The following C3orf20 variants were observed in gnomAD, a reference collection of about 807,000 sequenced individuals.
The protein encoded by C3orf20 is uncharacterized protein C3orf20.
In C3orf20, 76 loss-of-function variants were observed where a neutral mutation model predicts 88.3. The observed-to-expected ratio is 0.86, with a 90% CI of 0.72 to 1.04. The LOEUF is 1.04. C3orf20 is among the 50% of genes least tolerant of loss of function. The pLI is 0.00. For synonymous variants in C3orf20, 436 were observed against 437.4 expected (o/e 1.00, Z 0.04); for missense variants, 1,056 against 1,123.3 (o/e 0.94, Z 0.86).
chr3:14,679,737 C>T (rs2031982831), intron 1 of C3orf20, among the ~76,000 whole-genome samples: 1 of 152,202 alleles, frequency 6.6e-6, no homozygotes, highest in Admixed American at 6.5e-5. Context: ...ATCTGCATCT[C>T]AGGCCAGGAT....
chr3:14,689,827 G>C lies in C3orf20; in HGVS notation c.626-170G>C, dbSNP rs145366010. ...TGTAAAGATTTCCTCTAATTGCTCTGCCGGTGCATTGCAAAATCTTCTTCC... is the reference window on the plus strand; with the variant it reads ...TGTAAAGATTTCCTCTAATTGCTCTCCCGGTGCATTGCAAAATCTTCTTCC... On this transcript the variant is annotated intron_variant, in intron 4 of 16. Coordinates refer to ENST00000253697, the MANE Select transcript of C3orf20 (RefSeq NM_032137.5). Among the ~76,000 whole-genome samples, 23 of 152,308 alleles carry C rather than the reference G, an allele frequency of 1.5e-4. 1 individual carries two copies. Among genetic ancestry groups the C allele is most frequent in the African/African-American group, 5.1e-4 (21 of 41,554 alleles).
At chr3:14,705,864 A>G (rs138327579) in intron 7 of C3orf20, among the ~76,000 whole-genome samples, 2 of 152,192 alleles carry the variant, frequency 1.3e-5, no homozygotes, top group African/African-American at 4.8e-5. Flanking sequence ...GTATGCCACA[A>G]AAGGAATTCT....
At chr3:14,677,255 G>A (rs1356819570) in intron 1 of C3orf20, among the ~76,000 whole-genome samples, 2 of 152,144 alleles carry the variant, frequency 1.3e-5, no homozygotes, top group African/African-American at 4.8e-5. Flanking sequence ...ACCAAAAAAT[G>A]TGTTCTGAAT....
rs538320717 is a variant in C3orf20, at chr3:14,683,302, T to G, written c.484+105T>G. 36 of 1,396,612 alleles carry G rather than the reference T, an allele frequency of 2.6e-5. No individual in the cohort carries two copies. In the African/African-American group the frequency reaches 4.7e-4, roughly 18 times the overall value. 86.5% of individuals were successfully genotyped at this position (1,396,612 alleles called of 1,614,324 possible). ...GGCAACTGTGGGTCTGCTGTAGGAA[T>G]TGGATGCCTTCCCTCTGCGGCTCCT... On this transcript the variant is annotated intron_variant, in intron 3 of 16. Coordinates refer to ENST00000253697, the MANE Select transcript of C3orf20 (RefSeq NM_032137.5).
chr3:14,768,619 C>T lies in C3orf20; in HGVS notation c.2496-3448C>T, dbSNP rs1016976323. ...TTGTCACAGCAGCAGACAGTAACGACGGATGAGGATGGTGTTAAAACTACC... is the reference window on the plus strand; with the variant it reads ...TTGTCACAGCAGCAGACAGTAACGATGGATGAGGATGGTGTTAAAACTACC... On this transcript the variant is annotated intron_variant, in intron 15 of 16. Transcript: ENST00000253697. The surrounding 1 kb of genome is among the most constrained non-coding windows in gnomAD (Gnocchi z 4.1). Among the ~76,000 whole-genome samples the T allele has an allele frequency of 3.9e-5, 6 of 151,906 alleles. No individual in the cohort carries two copies. The highest frequency in any genetic ancestry group is 1.3e-4 in the Admixed American group (2 of 15,276).
chr3:14,684,135 A>C, intron 3 of C3orf20, 107 bp from the exon 4 acceptor site: 5 of 1,432,686 alleles, frequency 3.5e-6, no homozygotes, highest in Non-Finnish European at 4.8e-6. Flanking sequence ...CCCTAGGAAT[A>C]GCGCTCTACT....
rs1433535264 is a variant in C3orf20 at position 14,713,504 on chromosome 3, A to AT, written c.1161-501dup. Among the ~76,000 whole-genome samples, 9 of 152,212 alleles carry AT rather than the reference A, an allele frequency of 5.9e-5. No homozygotes were observed. In the South Asian group the frequency reaches 1.4e-3, roughly 25 times the overall value. On this transcript the variant is annotated intron_variant, in intron 7 of 16. Coordinates refer to ENST00000253697, the MANE Select transcript of C3orf20 (RefSeq NM_032137.5). ...TTTACTAGAAAATGAACAAGGCGAC[A>AT]TTACCTGTACTCCTTGATTGGTCAG...
intron 12 of C3orf20, among the ~76,000 whole-genome samples, chr3:14,732,745 A>G (rs548282401): frequency 2.6e-5 from 4 of 152,368 alleles, no homozygotes; most frequent in East Asian, 3.9e-4. Flanking sequence ...CAAAATGTCA[A>G]TAGTGCCAAG....
chr3:14,740,636 G>A (rs760128892), intron 12 of C3orf20, among the ~76,000 whole-genome samples: 1 of 152,164 alleles, frequency 6.6e-6, no homozygotes, highest in Non-Finnish European at 1.5e-5. Context: ...GTAAAGTGGA[G>A]CACAATAACA....
chr3:14,744,750 G>T (rs973293737), intron 12 of C3orf20, among the ~76,000 whole-genome samples: 1 of 151,950 alleles, frequency 6.6e-6, no homozygotes, highest in Non-Finnish European at 1.5e-5. Context: ...AGAAACCCCT[G>T]ATACACCCAT....
Position 14,757,521 on chromosome 3 carries a change from G to A in C3orf20, c.2091G>A (p.Leu697=), listed in dbSNP as rs1318926505. The A allele has an allele frequency of 1.2e-6, 2 of 1,613,992 alleles. No homozygotes were observed. The highest frequency in any genetic ancestry group is 1.3e-5 in the African/African-American group (1 of 74,944). ...CGCCCCTGGTCTCTGACGTGGAGCT[G>A]GAGCGCTTCCTGTTGGCGCCCCGAG... ...VKAPLVSDVE[L]ERFLLAPRDP... is the part of the protein sequence containing the mutation. The change falls in exon 13 of 17, where the codon CTG becomes CTA. Residue 697 remains leucine, a synonymous_variant. Transcript: ENST00000253697.
At chr3:14,698,367 T>G (rs1284824285) in intron 5 of C3orf20, among the ~76,000 whole-genome samples, 2 of 152,122 alleles carry the variant, frequency 1.3e-5, no homozygotes, top group Admixed American at 1.3e-4. Context: ...CATTGAAGAG[T>G]TGGGTATTTA....
chr3:14,745,592 T>G (rs1428555398), intron 12 of C3orf20, among the ~76,000 whole-genome samples: 1 of 152,244 alleles, frequency 6.6e-6, no homozygotes, highest in Non-Finnish European at 1.5e-5. Context: ...CATATACATT[T>G]GTGATATCAC....
chr3:14,730,111 A>G (rs192609199), intron 12 of C3orf20, among the ~76,000 whole-genome samples: 5 of 152,250 alleles, frequency 3.3e-5, no homozygotes, highest in Admixed American at 3.3e-4. Context: ...ATTAGTTTTT[A>G]TTGTTTTCTA....
intron 13 of C3orf20, among the ~76,000 whole-genome samples, chr3:14,758,925 C>T (rs1262032019): frequency 6.6e-6 from 1 of 152,220 alleles, no homozygotes; most frequent in Non-Finnish European, 1.5e-5. Context: ...TCTGTGTGTC[C>T]GTCCATGTAG....
chr3:14,759,733 A>C (rs1372324874), intron 13 of C3orf20, among the ~76,000 whole-genome samples, 158 bp from the exon 14 acceptor site: 1 of 152,200 alleles, frequency 6.6e-6, no homozygotes, highest in Non-Finnish European at 1.5e-5. Context: ...GGAGGTGTGC[A>C]TGCAGGCCCA....
intron 15 of C3orf20, 150 bp downstream of exon 15, chr3:14,761,765 C>T: frequency 1.2e-6 from 1 of 853,198 alleles, no homozygotes; most frequent in Non-Finnish European, 1.8e-6. Context: ...AAGCCTCCAC[C>T]TGTGGCACAC....
At chr3:14,747,282 C>G (rs1380039103) in intron 12 of C3orf20, among the ~76,000 whole-genome samples, 1 of 152,186 alleles carries the variant, frequency 6.6e-6, no homozygotes, top group Non-Finnish European at 1.5e-5. Flanking sequence ...TGTTTGGCAT[C>G]TTGGGAAAAT....
intron 12 of C3orf20, among the ~76,000 whole-genome samples, chr3:14,741,432 A>G (rs781475610): frequency 2.0e-5 from 3 of 152,166 alleles, no homozygotes; most frequent in Admixed American, 2.0e-4. Flanking sequence ...TGTCATGCTC[A>G]CTTTCATTAG....
Sources: allele counts gnomAD v4.1 joint callset (sites outside exome capture counted in the v4.1 genomes callset), GRCh38; gene constraint gnomAD v4.1.1; non-coding constraint Gnocchi (gnomAD v3.1); transcripts MANE v1.5; gene names NCBI Gene and HGNC (gene_info 2026-07-23, HGNC 2026-07-21).